Variants in GPR89B observed in about 807,000 individuals in gnomAD.
GPR89B encodes the protein golgi pH regulator B, also known as G protein-coupled receptor 89B.
GPR89B carries 25 observed loss-of-function variants against 52.4 expected under a neutral mutation model. The observed-to-expected ratio is 0.48, with a 90% confidence interval of 0.35 to 0.67. The LOEUF (loss-of-function observed/expected upper bound fraction) is 0.67. GPR89B is among the 30% of genes least tolerant of loss of function. The probability of loss-of-function intolerance (pLI) is 0.01; values close to 1 mark genes in which losing one functional copy is unlikely to be tolerated. For synonymous variants in GPR89B, 52 were observed against 151.2 expected (o/e 0.34, Z 4.81); for missense variants, 146 against 450.2 (o/e 0.32, Z 6.11).
intron 1 of GPR89B, among the ~76,000 whole-genome samples, chr1:147,930,987 C>G (rs1571211522): frequency 6.6e-6 from 1 of 152,232 alleles, no homozygotes; most frequent in East Asian, 1.9e-4. Context: ...TGTCCCTATA[C>G]CTACTGCCAT....
chr1:148,009,331 A>G, the GPR89B span: 1 of 1,611,272 alleles, frequency 6.2e-7, no homozygotes, highest in Non-Finnish European at 8.5e-7. Context: ...CTGCTCCCCA[A>G]AAAATTCTCA....
chr1:147,962,677 A>C (rs1271678758), intron 7 of GPR89B, among the ~76,000 whole-genome samples: 1 of 151,838 alleles, frequency 6.6e-6, no homozygotes, highest in Non-Finnish European at 1.5e-5. Flanking sequence ...CGGACGGATC[A>C]CTTAAGGTCA....
At chr1:147,991,789 G>T (rs1176657063) in intron 12 of GPR89B, among the ~76,000 whole-genome samples, 18 of 152,180 alleles carry the variant, frequency 1.2e-4, no homozygotes, top group Admixed American at 2.6e-4. Context: ...GCATCCCAGG[G>T]ATGAAGCCCA....
intron 8 of GPR89B, chr1:147,968,283 C>T (rs1301586930): frequency 1.3e-5 from 6 of 453,654 alleles, no homozygotes; most frequent in Non-Finnish European, 2.6e-5. Context: ...GACTTTGCAT[C>T]TCTATCAATT....
the GPR89B span, among the ~76,000 whole-genome samples, chr1:148,013,354 G>A: frequency 1.3e-5 from 2 of 152,134 alleles, no homozygotes; most frequent in African/African-American, 4.8e-5. Context: ...CCAGGAAGAC[G>A]CGCCCTGCTT....
chr1:147,970,529 C>CTCTCTCTCTCTA (rs1657367110), intron 10 of GPR89B, among the ~76,000 whole-genome samples: 2 of 141,474 alleles, frequency 1.4e-5, no homozygotes, highest in South Asian at 2.1e-4. Flanking sequence ...CTCTCTCTCT[C>CTCTCTCTCTCTA]TCTCTATCTC....
At chr1:147,952,102 A>T (rs1484110806) in intron 5 of GPR89B, among the ~76,000 whole-genome samples, 6 of 152,088 alleles carry the variant, frequency 3.9e-5, no homozygotes, top group African/African-American at 1.5e-4. Flanking sequence ...AAAGGTAGGA[A>T]AAATAAAGAG....
At chr1:148,002,276 G>A in the GPR89B span, among the ~76,000 whole-genome samples, 1 of 151,868 alleles carries the variant, frequency 6.6e-6, no homozygotes, top group Non-Finnish European at 1.5e-5. Flanking sequence ...ATATCTAGAC[G>A]ATTGCTAAGT....
chr1:148,010,900 T>A, the GPR89B span: 1 of 152,520 alleles, frequency 6.6e-6, no homozygotes, highest in Non-Finnish European at 1.5e-5. Flanking sequence ...TAATGTTGCC[T>A]GACATACGTC....
chr1:148,006,593 A>G, the GPR89B span, among the ~76,000 whole-genome samples: 82 of 152,252 alleles, frequency 5.4e-4, no homozygotes, highest in Non-Finnish European at 7.5e-4. Flanking sequence ...ATAGAGTTTA[A>G]CTTATAAATT....
chr1:148,016,970 T>A, the GPR89B span, among the ~76,000 whole-genome samples: 1 of 151,912 alleles, frequency 6.6e-6, no homozygotes, highest in African/African-American at 2.4e-5. Flanking sequence ...TCCAGCGAAT[T>A]TATCATCTCT....
At chr1:147,934,419 T>C (rs1335004732) in intron 1 of GPR89B, among the ~76,000 whole-genome samples, 3 of 152,132 alleles carry the variant, frequency 2.0e-5, no homozygotes, top group Non-Finnish European at 2.9e-5. Flanking sequence ...TCAAGCGATC[T>C]ACCCAAAGTG....
chr1:147,963,907 C>T (rs1380369345), intron 7 of GPR89B, among the ~76,000 whole-genome samples: 15 of 152,192 alleles, frequency 9.9e-5, no homozygotes, highest in African/African-American at 1.9e-4. Context: ...ATGAAAATTA[C>T]GCTGAGTGAA....
chr1:147,970,527 C>CTCTCTCTCTATATATA (rs1657365063), intron 10 of GPR89B, among the ~76,000 whole-genome samples: 1 of 140,120 alleles, frequency 7.1e-6, no homozygotes. Flanking sequence ...CTCTCTCTCT[C>CTCTCTCTCTATATATA]TCTCTCTATC....
downstream of GPR89B, chr1:147,993,631 G>C (rs1659227517): frequency 6.4e-6 from 1 of 155,110 alleles, no homozygotes; most frequent in Admixed American, 6.2e-5. Flanking sequence ...CCCTCACGCT[G>C]TGGGGTGAAA....
At chr1:148,015,528 A>C in the GPR89B span, among the ~76,000 whole-genome samples, 41 of 145,306 alleles carry the variant, frequency 2.8e-4, 1 homozygote, top group South Asian at 1.1e-3. Flanking sequence ...GTTGGCCAGG[A>C]TGGTATCAAT....
chr1:147,986,942 AAT>A (rs1306557522), intron 11 of GPR89B, among the ~76,000 whole-genome samples: 1 of 149,956 alleles, frequency 6.7e-6, no homozygotes, highest in Non-Finnish European at 1.5e-5. Context: ...ATAGCACTTT[AAT>A]AGTAAGACCA....
chr1:148,018,081 T>C, the GPR89B span, among the ~76,000 whole-genome samples: 2,775 of 133,050 alleles, frequency 0.021, 77 homozygotes, highest in African/African-American at 0.046. Flanking sequence ...AAAAACACTA[T>C]GGGAAAACAA....
chr1:147,972,319 G>A (rs1657530909), intron 10 of GPR89B, among the ~76,000 whole-genome samples: 3 of 151,500 alleles, frequency 2.0e-5, no homozygotes, highest in Non-Finnish European at 2.9e-5. Context: ...GACGTGTGCT[G>A]TCTTTCTCTT....
Sources: allele counts gnomAD v4.1 joint callset (sites outside exome capture counted in the v4.1 genomes callset), GRCh38; gene constraint gnomAD v4.1.1; transcripts MANE v1.5; gene names NCBI Gene and HGNC (gene_info 2026-07-23, HGNC 2026-07-21).